CCDC148: variants seen among roughly 807,000 people sequenced by gnomAD.
CCDC148 encodes coiled-coil domain-containing protein 148.
Under a neutral mutation model 85.7 loss-of-function variants are expected in CCDC148, and 89 were observed. The observed-to-expected ratio is 1.04, with a 90% CI of 0.87 to 1.24. The LOEUF is 1.24. Ranked by LOEUF, CCDC148 falls within the 50% of genes most tolerant of loss-of-function variation. The pLI is 0.00. For missense variants in CCDC148, 692 were observed against 671.7 expected, an observed-to-expected ratio of 1.03 and a Z score of -0.33; for synonymous variants, 230 against 213.9, an observed-to-expected ratio of 1.08 and a Z score of -0.66.
chr2:158,349,066 G>A (rs940290969), intron 2 of CCDC148, among the ~76,000 whole-genome samples: 3 of 151,826 alleles, frequency 2.0e-5, no homozygotes, highest in Non-Finnish European at 4.4e-5. Flanking sequence ...AGCTGGCATC[G>A]CAGAAATTGT....
intron 9 of CCDC148, among the ~76,000 whole-genome samples, chr2:158,261,642 G>A (rs2105152763): frequency 6.6e-6 from 1 of 151,670 alleles, no homozygotes; most frequent in Non-Finnish European, 1.5e-5. Flanking sequence ...CTAATATCCA[G>A]CATCTATAAG....
Position 158,171,206 on chromosome 2 carries a change from A to G in CCDC148, c.*907T>C, listed in dbSNP as rs1220044848. 1 of 151,226 alleles carries G rather than the reference A, an allele frequency of 6.6e-6. No individual in the cohort carries two copies. Among genetic ancestry groups the G allele is most frequent in the Admixed American group, 6.6e-5 (1 of 15,140 alleles). The allele number at this position is 151,226 out of a possible 1,614,324, so 9.4% of individuals were successfully genotyped here. A position where few individuals can be genotyped will look rare whatever the true frequency, so the allele number is the denominator to read the frequency against. On this transcript the variant is annotated 3_prime_UTR_variant, in exon 14 of 14. Coordinates refer to ENST00000283233, the MANE Select transcript of CCDC148 (RefSeq NM_138803.4). ...TTTTTTACATTATTCCAGTAATTGC[A>G]CAGAGGCTGCAACCCCTGGGAGGTA...
At chr2:158,266,104 A>C (rs1037462986) in intron 9 of CCDC148, among the ~76,000 whole-genome samples, 1 of 152,118 alleles carries the variant, frequency 6.6e-6, no homozygotes, top group South Asian at 2.1e-4. Context: ...TAATCCTTTT[A>C]TAGTGAAAAG....
intron 11 of CCDC148, among the ~76,000 whole-genome samples, chr2:158,187,803 C>T (rs1035937375): frequency 6.6e-5 from 10 of 152,166 alleles, no homozygotes; most frequent in African/African-American, 1.9e-4. Context: ...ACTTCAACTA[C>T]AATCAGTGCA....
intron 11 of CCDC148, among the ~76,000 whole-genome samples, chr2:158,186,141 T>C (rs1685144569): frequency 6.6e-6 from 1 of 152,078 alleles, no homozygotes; most frequent in Admixed American, 6.6e-5. Flanking sequence ...CACATTGACT[T>C]TGGGATGATA....
chr2:158,209,140 A>G (rs140586121), intron 11 of CCDC148, among the ~76,000 whole-genome samples: 403 of 152,090 alleles, frequency 2.6e-3, no homozygotes, highest in Admixed American at 4.8e-3. Flanking sequence ...TTACACATAC[A>G]TATTTTTTTT....
At chr2:158,183,615 G>T (rs945299453) in intron 11 of CCDC148, among the ~76,000 whole-genome samples, 1 of 152,096 alleles carries the variant, frequency 6.6e-6, no homozygotes, top group Non-Finnish European at 1.5e-5. Context: ...GCATAAAGAC[G>T]TATCTTCATT....
At chr2:158,387,311 T>G (rs1442592818) in intron 1 of CCDC148, among the ~76,000 whole-genome samples, 3 of 152,024 alleles carry the variant, frequency 2.0e-5, no homozygotes, top group Non-Finnish European at 4.4e-5. Context: ...TATCTATATC[T>G]ATATCTATGA....
chr2:158,309,663 T>C (rs756844990), intron 8 of CCDC148, 24 bp from the exon 9 acceptor site: 2 of 1,469,358 alleles, frequency 1.4e-6, no homozygotes, highest in Admixed American at 3.8e-5. Context: ...AGAGGGTGAA[T>C]ACTTATCATT....
rs1331543097 is a variant in CCDC148 at position 158,345,223 on chromosome 2, A to T, written c.243T>A (p.Asn81Lys). Reference sequence around the variant, plus strand: ...TGTCCCCCAGTTCTTACCTGACTTCATTCAGCCTCTGGTATTCCTGCCACC... The same window carrying T: ...TGTCCCCCAGTTCTTACCTGACTTCTTTCAGCCTCTGGTATTCCTGCCACC... ...QVWWQEYQRL[N>K]EVRCKMESEI... Residue 81 changes from asparagine (N) to lysine (K), a missense_variant, in exon 3 of 14, where the codon AAT becomes AAA. Coordinates refer to ENST00000283233, the MANE Select transcript of CCDC148 (RefSeq NM_138803.4). 11 of 1,612,604 alleles carry T rather than the reference A, an allele frequency of 6.8e-6. No homozygotes were observed. Among genetic ancestry groups the T allele is most frequent in the Admixed American group, 1.7e-5 (1 of 59,842 alleles).
chr2:158,249,102 A>G (rs1419983869), intron 10 of CCDC148, among the ~76,000 whole-genome samples: 1 of 152,114 alleles, frequency 6.6e-6, no homozygotes, highest in African/African-American at 2.4e-5. Flanking sequence ...GGCACAATTA[A>G]TTGTACCGAC....
At chr2:158,455,312 G>A (rs1173543731) in intron 1 of CCDC148, among the ~76,000 whole-genome samples, 1 of 151,716 alleles carries the variant, frequency 6.6e-6, no homozygotes, top group South Asian at 2.1e-4. Context: ...ACATACACAC[G>A]TTCACCTGTT....
At chr2:158,400,785 G>A (rs1196362973) in intron 1 of CCDC148, among the ~76,000 whole-genome samples, 1 of 152,078 alleles carries the variant, frequency 6.6e-6, no homozygotes, top group Non-Finnish European at 1.5e-5. Flanking sequence ...TACAGAATGG[G>A]AGAAAATTTT....
chr2:158,421,796 G>A (rs7593262), intron 1 of CCDC148, among the ~76,000 whole-genome samples: 25,322 of 151,906 alleles, frequency 0.17, 2,274 homozygotes, highest in Middle Eastern at 0.21. Context: ...CAACGAATCC[G>A]GGAGCTGGTT....
At chr2:158,396,666 T>C (rs1305532179) in intron 1 of CCDC148, among the ~76,000 whole-genome samples, 5 of 152,224 alleles carry the variant, frequency 3.3e-5, no homozygotes, top group South Asian at 4.1e-4. Context: ...ACAAGAGAAA[T>C]AGTGACAGAC....
Position 158,215,768 on chromosome 2 carries a change from T to C in CCDC148, c.1370+4827A>G, listed in dbSNP as rs137954739. ...ACAAATGGTTGCTATAGACTGAATG[T>C]GTCTGCTCAAAATTCATATGTTGAG... On this transcript the variant is annotated intron_variant, in intron 11 of 13. Transcript: ENST00000283233. 2.1e-3 allele frequency among the ~76,000 whole-genome samples: 320 copies of C among 152,298 alleles called. 1 individual carries two copies. Among genetic ancestry groups the C allele is most frequent in the Middle Eastern group, 3.4e-3 (1 of 294 alleles).
chr2:158,399,671 C>A (rs1053385171), intron 1 of CCDC148, among the ~76,000 whole-genome samples: 1 of 152,058 alleles, frequency 6.6e-6, no homozygotes, highest in Non-Finnish European at 1.5e-5. Flanking sequence ...CAATATCATA[C>A]TGAATGGGCA....
intron 2 of CCDC148, among the ~76,000 whole-genome samples, chr2:158,351,877 C>G (rs1448120163): frequency 6.7e-6 from 1 of 150,250 alleles, no homozygotes; most frequent in Non-Finnish European, 1.5e-5. Context: ...AGCTGGAGAT[C>G]TGAGAACGGG....
chr2:158,404,911 T>C (rs1685935639), intron 1 of CCDC148, among the ~76,000 whole-genome samples: 1 of 152,160 alleles, frequency 6.6e-6, no homozygotes, highest in Admixed American at 6.6e-5. Flanking sequence ...CTGTTAATTT[T>C]GATAACTTTA....
Sources: gnomAD v4.1 joint callset for allele counts (sites outside exome capture counted in the v4.1 genomes callset) on GRCh38, gnomAD v4.1.1 for gene constraint, MANE v1.5 for transcripts, NCBI Gene and HGNC (gene_info 2026-07-23, HGNC 2026-07-21) for gene names.